Variants in KIFC1 observed in about 807,000 individuals in gnomAD.
KIFC1 encodes kinesin-like protein KIFC1.
In KIFC1, 37 loss-of-function variants were observed where a neutral mutation model predicts 66.6. The observed-to-expected ratio is 0.56, with a 90% CI of 0.43 to 0.73. The LOEUF (loss-of-function observed/expected upper bound fraction) is 0.73. Among genes scored for constraint, KIFC1 ranks in the 30% least tolerant of loss-of-function variants. KIFC1 has a pLI of 0.00. For missense variants in KIFC1, 721 were observed against 859.8 expected (o/e 0.84, Z 2.02); for synonymous variants, 325 against 343.5 (o/e 0.95, Z 0.60).
At chr6:33,396,436 CTTTTTTTTTTTTTTTTTTT>C (rs1775044718) in intron 1 of KIFC1, among the ~76,000 whole-genome samples, 1 of 116,258 alleles carries the variant, frequency 8.6e-6, no homozygotes, top group African/African-American at 3.5e-5. Flanking sequence ...CTTTTCTTTT[CTTTTTTTTTTTTTTTTTTT>C]GAGACAGGAT....
Position 33,409,855 on chromosome 6 carries a change from T to C in KIFC1, c.*165T>C, listed in dbSNP as rs1775862986. 1 of 679,916 alleles carries C rather than the reference T, an allele frequency of 1.5e-6. No individual in the cohort carries two copies. Among genetic ancestry groups the C allele is most frequent in the African/African-American group, 1.8e-5 (1 of 54,580 alleles). 42.1% of individuals were successfully genotyped at this position (679,916 alleles called of 1,614,324 possible). A position where few individuals can be genotyped will look rare whatever the true frequency, so the allele number is the denominator to read the frequency against. On this transcript the variant is annotated 3_prime_UTR_variant, in exon 11 of 11. Transcript: ENST00000428849. ...CAGGGCTATCAAATAAAGAATAGTT[T>C]GGTTTTTTTTTTAAATAAAGGTTTT...
intron 3 of KIFC1, among the ~76,000 whole-genome samples, chr6:33,402,238 T>A (rs1400035896): frequency 6.6e-6 from 1 of 152,130 alleles, no homozygotes; most frequent in Admixed American, 6.5e-5. Context: ...CACAAACAGG[T>A]GAGGAATGCT....
Position 33,404,911 on chromosome 6 carries a change from G to A in KIFC1, c.816G>A (p.Leu272=). The change falls in exon 7 of 11, where the codon CTG becomes CTA. Residue 272 remains leucine, a synonymous_variant. Transcript: ENST00000428849. This position sits in a 1 kb window ranked among gnomAD's most constrained non-coding sequence, Gnocchi z 4.0. The part of the protein sequence containing the change: ...LSSSQAEVAS[L]RQETVAQAAL... ...GCAGCCAAGCAGAGGTGGCATCTCT[G>A]CGGCAGGAGACTGTGGCCCAGGCAG... is the stretch of plus-strand genomic sequence containing the variant. The A allele has an allele frequency of 6.2e-7, 1 of 1,614,072 alleles. No individual in the cohort carries two copies. The highest frequency in any genetic ancestry group is 8.5e-7 in the Non-Finnish European group (1 of 1,180,012).
chr6:33,409,748 TGTGTGTCCCTATGTCTATGTATCGG>T lies in KIFC1; in HGVS notation c.*62_*86del. The T allele has an allele frequency of 7.0e-7, 1 of 1,432,296 alleles. No individual in the cohort carries two copies. The highest frequency in any genetic ancestry group is 9.7e-7 in the Non-Finnish European group (1 of 1,032,346). 88.7% of individuals were successfully genotyped at this position (1,432,296 alleles called of 1,614,324 possible). A position where few individuals can be genotyped will look rare whatever the true frequency, so the allele number is the denominator to read the frequency against. On this transcript the variant is annotated 3_prime_UTR_variant, in exon 11 of 11. Transcript: ENST00000428849. ...GTGTGTGTGTGTGTGTGTGTGTGTG[TGTGTGTCCCTATGTCTATGTATCGG>T]GTGAGGGGTGGGAGGGTTGCTGGAG...
At chr6:33,402,782 G>A (rs1488751899) in intron 3 of KIFC1, among the ~76,000 whole-genome samples, 1 of 151,600 alleles carries the variant, frequency 6.6e-6, no homozygotes, top group East Asian at 1.9e-4. Context: ...GAGGTCAGGA[G>A]TTTGAGGCCA....
intron 3 of KIFC1, among the ~76,000 whole-genome samples, chr6:33,402,141 T>C (rs1267064054): frequency 6.6e-6 from 1 of 152,204 alleles, no homozygotes; most frequent in East Asian, 1.9e-4. Flanking sequence ...TCATTATCAT[T>C]ATTAGGTATT....
chr6:33,407,302 A>G (rs1468150496), intron 10 of KIFC1, among the ~76,000 whole-genome samples: 1 of 152,164 alleles, frequency 6.6e-6, no homozygotes, highest in Admixed American at 6.5e-5. Context: ...CCAGCTACTC[A>G]GGAGGCTGAG....
chr6:33,405,540 G>T lies in KIFC1; in HGVS notation c.1445G>T (p.Gly482Val). Residue 482 changes from glycine (G) to valine (V), a missense_variant, in exon 7 of 11, where the codon GGG becomes GTG. By Grantham distance (109) the Gly-to-Val change is moderately radical (BLOSUM62 -3). Transcript: ENST00000428849. The surrounding 1 kb of genome is among the most constrained non-coding windows in gnomAD (Gnocchi z 5.4). Reference sequence around the variant, plus strand: ...GCCACTGGAACCCGGAAGGGTCAAGGGGGCGAGTGTGAGATTCGCCGTGCA... The same window carrying T: ...GCCACTGGAACCCGGAAGGGTCAAGTGGGCGAGTGTGAGATTCGCCGTGCA... Reference protein sequence around the residue: ...LLATGTRKGQGGECEIRRAGP... With the variant: ...LLATGTRKGQVGECEIRRAGP... 1 of 1,607,538 alleles carries T rather than the reference G, an allele frequency of 6.2e-7. No homozygotes were observed. Among genetic ancestry groups the T allele is most frequent in the Middle Eastern group, 1.7e-4 (1 of 6,026 alleles).
rs571209782 is a variant in KIFC1 at position 33,405,919 on chromosome 6, A to T, written c.1537-277A>T. On this transcript the variant is annotated intron_variant, in intron 7 of 10. Transcript: ENST00000428849. This position sits in a 1 kb window ranked among gnomAD's most constrained non-coding sequence, Gnocchi z 5.4. ...ATGCTGGCCTCCTGGCTGTTCCTCA[A>T]CCAGCTAGTCGTGCTCCCCATCTCA... Among the ~76,000 whole-genome samples the T allele has an allele frequency of 2.2e-3, 338 of 152,220 alleles. 1 individual carries two copies. Among genetic ancestry groups the T allele is most frequent in the Non-Finnish European group, 4.1e-3 (276 of 68,018 alleles).
chr6:33,404,085 C>T lies in KIFC1; in HGVS notation c.712C>T (p.Gln238Ter). The T allele has an allele frequency of 6.2e-7, 1 of 1,613,940 alleles. No individual in the cohort carries two copies. Among genetic ancestry groups the T allele is most frequent in the Non-Finnish European group, 8.5e-7 (1 of 1,179,940 alleles). The part of the protein sequence containing the change: ...QELQKKQVEL[Q>*]EERRGLMSQL... Reference sequence around the variant, plus strand: ...GCTTCAGAAAAAACAGGTGGAATTGCAGGAAGAACGGAGGGGACTGATGTC... The same window carrying T: ...GCTTCAGAAAAAACAGGTGGAATTGTAGGAAGAACGGAGGGGACTGATGTC... The change falls in exon 6 of 11, where the codon CAG becomes TAG. Residue 238 changes from glutamine (Q) to a stop codon, truncating the protein, a stop_gained. Coordinates refer to ENST00000428849, the MANE Select transcript of KIFC1 (RefSeq NM_002263.4). LOFTEE classifies it high-confidence loss of function. This position sits in a 1 kb window ranked among gnomAD's most constrained non-coding sequence, Gnocchi z 4.0.
intron 3 of KIFC1, 68 bp downstream of exon 3, chr6:33,398,455 T>C: frequency 6.0e-6 from 7 of 1,166,426 alleles, no homozygotes; most frequent in Non-Finnish European, 8.9e-6. Flanking sequence ...ACTTGTTTCT[T>C]TTCTTTCAAT....
rs1460778503 is a variant in KIFC1, at chr6:33,405,569, C to T, written c.1474C>T (p.Pro492Ser). 2 of 1,577,546 alleles carry T rather than the reference C, an allele frequency of 1.3e-6. No individual in the cohort carries two copies. Among genetic ancestry groups the T allele is most frequent in the Admixed American group, 1.8e-5 (1 of 54,584 alleles). Residue 492 changes from proline to serine, a missense_variant, in exon 7 of 11, where the codon CCA (proline) becomes TCA (serine). Coordinates refer to ENST00000428849, the MANE Select transcript of KIFC1 (RefSeq NM_002263.4). This position sits in a 1 kb window ranked among gnomAD's most constrained non-coding sequence, Gnocchi z 5.4. ...CGAGTGTGAGATTCGCCGTGCAGGG[C>T]CAGGGAGTGAGGAGCTCACTGTCAC... ...GGECEIRRAGPGSEELTVTNA... is the reference protein window; with the variant it reads ...GGECEIRRAGSGSEELTVTNA...
chr6:33,398,310 C>T lies in KIFC1; in HGVS notation c.173C>T (p.Ala58Val), dbSNP rs73741830. ...CAGAAACGGACAAGAGGCCTGGGTG[C>T]AACGACCAAAATTACCACATCCCAC... ...PEKKRTRGLG[A>V]TTKITTSHPR... Residue 58 changes from alanine (A) to valine (V), a missense_variant, in exon 3 of 11, where the codon GCA (alanine) becomes GTA (valine). Physicochemically the swap from Ala to Val is moderately conservative, Grantham distance 64 (BLOSUM62 0). Transcript: ENST00000428849. 2.6e-3 allele frequency: 4,239 copies of T among 1,613,996 alleles called. 49 individuals are homozygous for T. The African/African-American group carries it at 0.03, about 12-fold the overall frequency.
intron 10 of KIFC1, 138 bp downstream of exon 10, chr6:33,407,013 G>T: frequency 7.0e-7 from 1 of 1,433,982 alleles, no homozygotes. Flanking sequence ...CTGCTCACCT[G>T]GTTCCATTTT....
chr6:33,398,198 G>GT (rs1775187690), intron 2 of KIFC1, 32 bp downstream of exon 2: 1 of 1,613,958 alleles, frequency 6.2e-7, no homozygotes, highest in Admixed American at 1.7e-5. Flanking sequence ...GTGCATGTGT[G>GT]TGGGGGGTGT....
Position 33,405,459 on chromosome 6 carries a change from A to G in KIFC1, c.1364A>G (p.Tyr455Cys), listed in dbSNP as rs993223554. 1 of 1,609,362 alleles carries G rather than the reference A, an allele frequency of 6.2e-7. No individual in the cohort carries two copies. Among genetic ancestry groups the G allele is most frequent in the African/African-American group, 1.3e-5 (1 of 74,788 alleles). The stretch of plus-strand genomic sequence containing the variant: ...GAGCTGAGTGGTCAGGGCTGGACCT[A>G]CAGCTTTGTAGCAAGCTACGTAGAG... ...AQELSGQGWT[Y>C]SFVASYVEIY... Residue 455 changes from tyrosine (Y) to cysteine (C), a missense_variant, in exon 7 of 11, where the codon TAC becomes TGC. Transcript: ENST00000428849. This position sits in a 1 kb window ranked among gnomAD's most constrained non-coding sequence, Gnocchi z 5.4.
Position 33,404,005 on chromosome 6 carries a change from C to G in KIFC1, c.632C>G (p.Ala211Gly). 6.2e-7 allele frequency: 1 copy of G among 1,614,216 alleles called. No homozygotes were observed. The highest frequency in any genetic ancestry group is 8.5e-7 in the Non-Finnish European group (1 of 1,180,036). Residue 211 changes from alanine (A) to glycine (G), a missense_variant, in exon 6 of 11, where the codon GCT becomes GGT. Ala to Gly is a moderately conservative substitution (Grantham distance 60). Transcript: ENST00000428849. The surrounding 1 kb of genome is among the most constrained non-coding windows in gnomAD (Gnocchi z 4.0). ...QGQQELKNLR[A>G]CVLELEERLS... is the part of the protein sequence containing the mutation. ...CAACAGGAGCTGAAGAACTTGCGTG[C>G]TTGTGTCCTGGAGCTGGAAGAGCGG...
intron 1 of KIFC1, 124 bp downstream of exon 1, chr6:33,392,121 T>A: frequency 9.1e-7 from 1 of 1,101,086 alleles, no homozygotes; most frequent in Non-Finnish European, 1.3e-6. Context: ...CGAAGGTCCG[T>A]GCGCCCCCGC....
In KIFC1 at chr6:33,402,056, T is replaced by C. The variant is rs551788807; in HGVS notation, c.251-1258T>C. On this transcript the variant is annotated intron_variant, in intron 3 of 10. Coordinates refer to ENST00000428849, the MANE Select transcript of KIFC1 (RefSeq NM_002263.4). ...GAGGCTGTTTTATAGTTAACTGTTTTTGCAAATAGAAGGAGTATACCCTAA... is the reference window on the plus strand; with the variant it reads ...GAGGCTGTTTTATAGTTAACTGTTTCTGCAAATAGAAGGAGTATACCCTAA... 9.2e-5 allele frequency among the ~76,000 whole-genome samples: 14 copies of C among 152,266 alleles called. No individual in the cohort carries two copies. In the South Asian group the frequency reaches 2.7e-3, roughly 29 times the overall value.
Sources: gnomAD v4.1 joint callset for allele counts (sites outside exome capture counted in the v4.1 genomes callset) on GRCh38, gnomAD v4.1.1 for gene constraint, Gnocchi (gnomAD v3.1) non-coding constraint, MANE v1.5 for transcripts, NCBI Gene and HGNC (gene_info 2026-07-23, HGNC 2026-07-21) for gene names.